The following SLC12A6 variants were observed in gnomAD, a reference collection of about 807,000 sequenced individuals.
SLC12A6 encodes the protein K-Cl cotransporter 3.
A neutral mutation model predicts 135.3 loss-of-function variants in SLC12A6; 66 were observed. The observed-to-expected ratio is 0.49, with a 90% CI of 0.40 to 0.60. SLC12A6 has a LOEUF of 0.60. Among genes scored for constraint, SLC12A6 ranks in the 20% least tolerant of loss-of-function variants. The pLI is 0.00. For missense variants in SLC12A6, 1,058 were observed against 1,452.3 expected (o/e 0.73, Z 4.41); for synonymous variants, 513 against 508.8 (o/e 1.01, Z -0.11).
chr15:34,238,502 C>A, intron 20 of SLC12A6, 101 bp from the exon 21 acceptor site: 1 of 874,140 alleles, frequency 1.1e-6, no homozygotes. Context: ...CTTCTTTGAG[C>A]AAGGGGTCCT....
chr15:34,306,013 G>A (rs1028570079), intron 2 of SLC12A6, among the ~76,000 whole-genome samples: 1 of 151,454 alleles, frequency 6.6e-6, no homozygotes, highest in African/African-American at 2.4e-5. Context: ...CGCCCGCCTC[G>A]GCCTACCAAA....
rs1890829141 is a variant in SLC12A6 at position 34,230,178 on chromosome 15, C to G, written c.*3703G>C. ...AAAAGTTGCACAAGTTCCTTATTTT[C>G]CTTAATATTTCACTTCTATTTAATA... On this transcript the variant is annotated 3_prime_UTR_variant, in exon 26 of 26. Transcript: ENST00000354181. The G allele has an allele frequency of 5.1e-6, 1 of 197,048 alleles. No homozygotes were observed. The highest frequency in any genetic ancestry group is 1.0e-5 in the Non-Finnish European group (1 of 98,098). 12.2% of individuals were successfully genotyped at this position (197,048 alleles called of 1,614,324 possible). A position where few individuals can be genotyped will look rare whatever the true frequency, so the allele number is the denominator to read the frequency against.
intron 2 of SLC12A6, among the ~76,000 whole-genome samples, chr15:34,324,152 C>T (rs1320252921): frequency 6.6e-6 from 1 of 152,050 alleles, no homozygotes; most frequent in Non-Finnish European, 1.5e-5. Flanking sequence ...TATATAACAG[C>T]TTTATTCATA....
chr15:34,251,305 T>G (rs1291686911), intron 10 of SLC12A6, among the ~76,000 whole-genome samples: 2 of 152,130 alleles, frequency 1.3e-5, no homozygotes, highest in African/African-American at 4.8e-5. Flanking sequence ...TGGAGTGCAG[T>G]GGCACAATCT....
At position 34,260,572 on chromosome 15, in the gene SLC12A6, C is replaced by T. The variant is rs189534975; in HGVS notation, c.411+354G>A. Among the ~76,000 whole-genome samples, 305 of 152,212 alleles carry T rather than the reference C, an allele frequency of 2.0e-3. 1 individual carries two copies. The highest frequency in any genetic ancestry group is 3.4e-3 in the Non-Finnish European group (234 of 67,996). ...CGCGCCCGGCCTTGTTTAGTTAGTT[C>T]TAAGGCAAATGATAGTCTTTCCAGA... On this transcript the variant is annotated intron_variant, in intron 4 of 25. Transcript: ENST00000354181.
chr15:34,288,106 C>T (rs955325227), intron 2 of SLC12A6, among the ~76,000 whole-genome samples: 23 of 151,940 alleles, frequency 1.5e-4, no homozygotes, highest in Non-Finnish European at 2.9e-4. Context: ...TTTTTATGGT[C>T]CTAGGTCTTA....
chr15:34,288,132 T>A (rs1383349491), intron 2 of SLC12A6, among the ~76,000 whole-genome samples: 2 of 152,222 alleles, frequency 1.3e-5, no homozygotes, highest in Non-Finnish European at 2.9e-5. Flanking sequence ...AAGTCTTTGA[T>A]CCATCTTGAG....
intron 2 of SLC12A6, among the ~76,000 whole-genome samples, chr15:34,307,316 C>T (rs369397774): frequency 3.0e-4 from 45 of 152,076 alleles, no homozygotes; most frequent in Non-Finnish European, 5.7e-4. Context: ...TAAACTTTTC[C>T]GAATTTGAAA....
chr15:34,318,585 G>C (rs150751809), intron 2 of SLC12A6: 2 of 1,613,876 alleles, frequency 1.2e-6, no homozygotes, highest in African/African-American at 1.3e-5. Flanking sequence ...TCCTGAATCC[G>C]GGCTTTTATG....
chr15:34,278,144 C>T (rs774258102), intron 2 of SLC12A6, among the ~76,000 whole-genome samples: 5 of 152,090 alleles, frequency 3.3e-5, no homozygotes, highest in African/African-American at 7.2e-5. Context: ...AGAATTAGCT[C>T]GGCTGGGCGC....
chr15:34,252,940 A>G (rs1179156253), intron 9 of SLC12A6, among the ~76,000 whole-genome samples: 1 of 152,214 alleles, frequency 6.6e-6, no homozygotes, highest in Non-Finnish European at 1.5e-5. Flanking sequence ...TGCAAGGAAA[A>G]CAGCTTGGTC....
At chr15:34,286,422 C>T (rs911387076) in intron 2 of SLC12A6, among the ~76,000 whole-genome samples, 15 of 151,858 alleles carry the variant, frequency 9.9e-5, no homozygotes, top group African/African-American at 2.7e-4. Context: ...TATTTGACTC[C>T]GTAGTCTTTT....
intron 15 of SLC12A6, 117 bp from the exon 16 acceptor site, chr15:34,244,189 A>T: frequency 1.4e-6 from 1 of 719,816 alleles, no homozygotes; most frequent in Non-Finnish European, 2.5e-6. Context: ...CCCTTGATTA[A>T]GTAGGAAGTA....
At chr15:34,270,816 A>C (rs1227162208) in intron 3 of SLC12A6, among the ~76,000 whole-genome samples, 2 of 144,964 alleles carry the variant, frequency 1.4e-5, no homozygotes, top group Non-Finnish European at 3.0e-5. Flanking sequence ...AAACAAAACA[A>C]AACAAAACAA....
intron 2 of SLC12A6, among the ~76,000 whole-genome samples, chr15:34,324,794 T>C (rs1001672517): frequency 1.3e-5 from 2 of 152,130 alleles, no homozygotes; most frequent in African/African-American, 4.8e-5. Context: ...TAGGCGAACA[T>C]GAAAGGATGT....
intron 2 of SLC12A6, among the ~76,000 whole-genome samples, chr15:34,306,371 C>T (rs1258638227): frequency 6.6e-6 from 1 of 152,208 alleles, no homozygotes; most frequent in Non-Finnish European, 1.5e-5. Context: ...ATCTCAGACC[C>T]ATGGCTCTTT....
At chr15:34,281,560 C>G (rs1316878220) in intron 2 of SLC12A6, among the ~76,000 whole-genome samples, 3 of 152,112 alleles carry the variant, frequency 2.0e-5, no homozygotes, top group African/African-American at 7.2e-5. Context: ...GAGGCCGAGG[C>G]GAGTGGATCA....
Position 34,233,638 on chromosome 15 carries a change from G to T in SLC12A6, c.*243C>A. ...CTAATTTGCCTTTGACTGCTCAGACGTGGCTTGAAAGACTTGAGCATTGTT... is the reference window on the plus strand; with the variant it reads ...CTAATTTGCCTTTGACTGCTCAGACTTGGCTTGAAAGACTTGAGCATTGTT... On this transcript the variant is annotated 3_prime_UTR_variant, in exon 26 of 26. Transcript: ENST00000354181. The T allele has an allele frequency of 2.1e-6, 1 of 477,670 alleles. No homozygotes were observed. Among genetic ancestry groups the T allele is most frequent in the Admixed American group, 3.3e-5 (1 of 30,668 alleles). 29.6% of individuals were successfully genotyped at this position (477,670 alleles called of 1,614,324 possible).
Position 34,238,227 on chromosome 15 carries a change from A to T in SLC12A6, c.2802+5T>A, listed in dbSNP as rs1891408721. On this transcript the variant is annotated splice_donor_5th_base_variant and intron_variant, in intron 21 of 25. Transcript: ENST00000354181. ...CTTTTGTAAAAAAAAAGTTGTATAA[A>T]ATACCTTGTGCTGTTTCAGTAGGAA... 1.2e-6 allele frequency: 2 copies of T among 1,609,154 alleles called. No homozygotes were observed. The highest frequency in any genetic ancestry group is 1.7e-6 in the Non-Finnish European group (2 of 1,175,438).
Sources: allele counts gnomAD v4.1 joint callset (sites outside exome capture counted in the v4.1 genomes callset), GRCh38; gene constraint gnomAD v4.1.1; transcripts MANE v1.5; gene names NCBI Gene and HGNC (gene_info 2026-07-23, HGNC 2026-07-21).